The following FBXL18 variants were observed in gnomAD, a reference collection of about 807,000 sequenced individuals.
FBXL18 encodes F-box/LRR-repeat protein 18.
FBXL18 carries 36 observed loss-of-function variants against 46.0 expected under a neutral mutation model. That is an observed-to-expected ratio of 0.78 (90% CI 0.60 to 1.03). The LOEUF is 1.03. Among genes scored for constraint, FBXL18 ranks in the 50% least tolerant of loss-of-function variants. The pLI is 0.00. For missense variants in FBXL18, 977 were observed against 1,004.1 expected (o/e 0.97, Z 0.36); for synonymous variants, 557 against 465.3 (o/e 1.20, Z -2.54).
At chr7:5,463,426 C>T (rs1437083898) in intron 4 of FBXL18, among the ~76,000 whole-genome samples, 3 of 151,654 alleles carry the variant, frequency 2.0e-5, no homozygotes, top group African/African-American at 7.3e-5. Context: ...TCCACATCAG[C>T]CTGGGCAACA....
At position 5,477,758 on chromosome 7, in the gene FBXL18, A is replaced by C. The variant is rs527848009; in HGVS notation, c.*4017T>G. ...TCAGATCCTAAAAGGAGCAGATAACAGGGGAAGAGGAGGTGGGAGGCTGCC... is the reference window on the plus strand; with the variant it reads ...TCAGATCCTAAAAGGAGCAGATAACCGGGGAAGAGGAGGTGGGAGGCTGCC... On this transcript the variant is annotated 3_prime_UTR_variant, in exon 5 of 5. Coordinates refer to ENST00000382368, the MANE Select transcript of FBXL18 (RefSeq NM_024963.6). This position sits in a 1 kb window ranked among gnomAD's most constrained non-coding sequence, Gnocchi z 4.4. The C allele has an allele frequency of 6.6e-6, 1 of 151,864 alleles. No individual in the cohort carries two copies. Among genetic ancestry groups the C allele is most frequent in the East Asian group, 1.9e-4 (1 of 5,166 alleles). 9.4% of individuals were successfully genotyped at this position (151,864 alleles called of 1,614,324 possible).
intron 2 of FBXL18, among the ~76,000 whole-genome samples, chr7:5,504,064 C>G (rs1356396485): frequency 6.6e-6 from 1 of 151,462 alleles, no homozygotes; most frequent in Non-Finnish European, 1.5e-5. Flanking sequence ...GGAGAGGAGG[C>G]CTGGAGGCCT....
intron 4 of FBXL18, among the ~76,000 whole-genome samples, chr7:5,488,394 G>C (rs1455441804): frequency 2.6e-5 from 4 of 152,232 alleles, no homozygotes; most frequent in Non-Finnish European, 5.9e-5. Context: ...GCCTTCGAGG[G>C]TGGGGCGGGG....
chr7:5,495,663 C>T (rs1784058026), intron 3 of FBXL18, among the ~76,000 whole-genome samples: 1 of 152,204 alleles, frequency 6.6e-6, no homozygotes, highest in African/African-American at 2.4e-5. Flanking sequence ...TCCGGCCGCC[C>T]CAGGATGCGG....
chr7:5,463,745 T>TTATTTA (rs1783299548), intron 4 of FBXL18, among the ~76,000 whole-genome samples: 4 of 62,842 alleles, frequency 6.4e-5, no homozygotes, highest in Non-Finnish European at 1.1e-4. Flanking sequence ...TTTTTTTTTT[T>TTATTTA]TTTTTTTTTT....
chr7:5,491,542 T>C, intron 3 of FBXL18, 93 bp from the exon 4 acceptor site: 1 of 1,098,048 alleles, frequency 9.1e-7, no homozygotes, highest in Non-Finnish European at 1.3e-6. Context: ...GGAAGCTTCC[T>C]GGCCTGGGGC....
At chr7:5,495,863 C>G in intron 3 of FBXL18, 1 of 480,802 alleles carries the variant, frequency 2.1e-6, no homozygotes, top group Non-Finnish European at 4.3e-6. Context: ...TCTGAACAGG[C>G]AGTACCCAGC....
chr7:5,467,735 C>T (rs947567675), intron 4 of FBXL18, among the ~76,000 whole-genome samples: 5 of 152,116 alleles, frequency 3.3e-5, no homozygotes, highest in African/African-American at 7.2e-5. Flanking sequence ...ATCCTCCGCT[C>T]CAGCCGTTTC....
At chr7:5,468,809 C>T (rs925342363) in intron 4 of FBXL18, among the ~76,000 whole-genome samples, 1 of 151,894 alleles carries the variant, frequency 6.6e-6, no homozygotes, top group African/African-American at 2.4e-5. Flanking sequence ...CTATGTTGCC[C>T]AGGCTGATCT....
chr7:5,491,499 C>T (rs1783926533), intron 3 of FBXL18, 50 bp from the exon 4 acceptor site: 2 of 1,474,042 alleles, frequency 1.4e-6, no homozygotes, highest in Non-Finnish European at 9.1e-7. Flanking sequence ...GCTCGCAGGC[C>T]AGGCCAGCTG....
chr7:5,471,457 T>C (rs1783425823), downstream of FBXL18, among the ~76,000 whole-genome samples: 1 of 152,162 alleles, frequency 6.6e-6, no homozygotes, highest in Non-Finnish European at 1.5e-5. Context: ...TTTGTATTTT[T>C]AGTAGAGACG....
intron 1 of FBXL18, among the ~76,000 whole-genome samples, chr7:5,506,575 G>A (rs1352204203): frequency 6.9e-6 from 1 of 145,258 alleles, no homozygotes; most frequent in Admixed American, 6.9e-5. Context: ...TTTTCTTTTG[G>A]AGAAAGAGTC....
intron 2 of FBXL18, among the ~76,000 whole-genome samples, chr7:5,504,915 CAAAAAAAAAAAAAAAAA>C (rs59985346): frequency 8.3e-4 from 25 of 30,068 alleles, no homozygotes; most frequent in East Asian, 1.6e-3. Context: ...GACTCCATCT[CAAAAAAAAAAAAAAAAA>C]AAAAAAAAAA....
chr7:5,499,736 A>AG (rs1239746559), intron 3 of FBXL18, among the ~76,000 whole-genome samples: 1 of 149,412 alleles, frequency 6.7e-6, no homozygotes, highest in African/African-American at 2.5e-5. Flanking sequence ...TGTCTCAAAA[A>AG]AAAAAAAAGA....
intron 4 of FBXL18, among the ~76,000 whole-genome samples, chr7:5,469,125 G>A (rs552543770): frequency 1.3e-5 from 2 of 152,214 alleles, no homozygotes; most frequent in East Asian, 3.9e-4. Context: ...GTAAGAATGA[G>A]TTATGAGTGG....
chr7:5,458,691 C>T (rs1284004173), intron 4 of FBXL18, among the ~76,000 whole-genome samples: 4 of 149,930 alleles, frequency 2.7e-5, no homozygotes, highest in Non-Finnish European at 5.9e-5. Context: ...AGCGAGACTC[C>T]GTCCCCCAAA....
At chr7:5,467,622 C>T (rs534480440) in intron 4 of FBXL18, among the ~76,000 whole-genome samples, 2 of 152,182 alleles carry the variant, frequency 1.3e-5, no homozygotes, top group East Asian at 1.9e-4. Flanking sequence ...CTGTCCTTCC[C>T]GTTTCGAGGG....
At chr7:5,507,240 T>C (rs909066780) in intron 1 of FBXL18, among the ~76,000 whole-genome samples, 3 of 152,128 alleles carry the variant, frequency 2.0e-5, no homozygotes, top group Non-Finnish European at 4.4e-5. Flanking sequence ...GTGAAGGCCA[T>C]GGAGGAAGAG....
intron 4 of FBXL18, among the ~76,000 whole-genome samples, chr7:5,484,639 A>AT (rs571301335): frequency 0.51 from 70,534 of 137,580 alleles, 18,427 homozygotes; most frequent in East Asian, 0.7. Flanking sequence ...TGACCAGCTA[A>AT]TTTTTTTTTT....
Sources: gnomAD v4.1 joint callset for allele counts (sites outside exome capture counted in the v4.1 genomes callset) on GRCh38, gnomAD v4.1.1 for gene constraint, Gnocchi (gnomAD v3.1) non-coding constraint, MANE v1.5 for transcripts, NCBI Gene and HGNC (gene_info 2026-07-23, HGNC 2026-07-21) for gene names.